PARD3: variants seen among roughly 807,000 people sequenced by gnomAD.
PARD3 encodes partitioning defective 3 homolog.
Under a neutral mutation model 155.4 loss-of-function variants are expected in PARD3, and 75 were observed. The ratio of observed to expected loss-of-function variants is 0.48; its 90% CI spans 0.40 to 0.58. The LOEUF (loss-of-function observed/expected upper bound fraction) is 0.58, where lower values mean the gene tolerates loss of function less well. Among genes scored for constraint, PARD3 ranks in the 20% least tolerant of loss-of-function variants. The pLI, the probability that PARD3 is intolerant of heterozygous loss-of-function variation, is 0.00. For missense variants in PARD3, 1,642 were observed against 1,721.7 expected (o/e 0.95, Z 0.82); for synonymous variants, 576 against 610.5 (o/e 0.94, Z 0.83).
chr10:34,514,242 A>C (rs1343891825), intron 3 of PARD3, among the ~76,000 whole-genome samples: 2 of 152,212 alleles, frequency 1.3e-5, no homozygotes, highest in African/African-American at 2.4e-5. Flanking sequence ...TCCTTCTTTA[A>C]GGCAAAAATT....
rs369191196 is a variant in PARD3 at position 34,408,293 on chromosome 10, C to A, written c.715-6376G>T. ...TGTTTTTAAAAAAAATTATTCATAA[C>A]AGTAAATAAAATATTTTAATGAGTT... On this transcript the variant is annotated intron_variant, in intron 5 of 24. Transcript: ENST00000374788. Among the ~76,000 whole-genome samples, 7 of 151,726 alleles carry A rather than the reference C, an allele frequency of 4.6e-5. No individual in the cohort carries two copies. The East Asian group carries it at 5.8e-4, about 13-fold the overall frequency.
chr10:34,676,515 G>C (rs991764487), intron 2 of PARD3, among the ~76,000 whole-genome samples: 1 of 152,136 alleles, frequency 6.6e-6, no homozygotes, highest in African/African-American at 2.4e-5. Context: ...AAGATGAAAA[G>C]TAATTCCATT....
intron 15 of PARD3, chr10:34,345,297 G>A: frequency 1.0e-6 from 1 of 985,362 alleles, no homozygotes; most frequent in Non-Finnish European, 1.2e-6. Flanking sequence ...TTTCGCCAGG[G>A]ATGTGTTCAC....
Position 34,269,825 on chromosome 10 carries a change from T to G in PARD3, c.3251A>C (p.His1084Pro). 1 of 1,613,984 alleles carries G rather than the reference T, an allele frequency of 6.2e-7. No homozygotes were observed. Among genetic ancestry groups the G allele is most frequent in the Non-Finnish European group, 8.5e-7 (1 of 1,179,942 alleles). Residue 1084 changes from histidine (H) to proline (P), a missense_variant, in exon 22 of 25, where the codon CAT (histidine) becomes CCT (proline). Physicochemically the swap from His to Pro is moderately conservative, Grantham distance 77 (BLOSUM62 -2). Coordinates refer to ENST00000374788, the MANE Select transcript of PARD3 (RefSeq NM_001184785.2). ...CTCATCATCACAGCCAAATGTCCGA[T>G]GAAAATCTTGAATTTCAGCATAGTC... ...ERDYAEIQDFHRTFGCDDELM... is the reference protein window; with the variant it reads ...ERDYAEIQDFPRTFGCDDELM...
At chr10:34,612,095 G>A (rs529767798) in intron 2 of PARD3, among the ~76,000 whole-genome samples, 14 of 152,020 alleles carry the variant, frequency 9.2e-5, no homozygotes, top group Admixed American at 7.2e-4. Context: ...CAAAGTGCTC[G>A]GATTACAGGC....
chr10:34,212,258 G>A (rs958108315), intron 22 of PARD3, among the ~76,000 whole-genome samples: 1 of 152,106 alleles, frequency 6.6e-6, no homozygotes, highest in Non-Finnish European at 1.5e-5. Context: ...TTCTCCAGTA[G>A]AGATTTCTGA....
At chr10:34,360,870 T>C (rs1233535039) in intron 12 of PARD3, among the ~76,000 whole-genome samples, 1 of 152,210 alleles carries the variant, frequency 6.6e-6, no homozygotes, top group African/African-American at 2.4e-5. Flanking sequence ...ATAATATAGC[T>C]GGTAAATATT....
At chr10:34,741,019 A>G (rs912839075) in intron 1 of PARD3, among the ~76,000 whole-genome samples, 3 of 152,126 alleles carry the variant, frequency 2.0e-5, no homozygotes, top group Non-Finnish European at 4.4e-5. Context: ...TTCCCCCTAA[A>G]ACAAATATTA....
At chr10:34,589,945 T>C (rs745437712) in intron 2 of PARD3, among the ~76,000 whole-genome samples, 6 of 152,208 alleles carry the variant, frequency 3.9e-5, no homozygotes, top group Non-Finnish European at 8.8e-5. Context: ...GAGAATGACA[T>C]GGACATCATC....
intron 2 of PARD3, among the ~76,000 whole-genome samples, chr10:34,558,521 T>G (rs1050723975): frequency 1.3e-5 from 2 of 152,222 alleles, no homozygotes; most frequent in African/African-American, 4.8e-5. Flanking sequence ...ATACTAAATC[T>G]GCAAGAGGCT....
intron 12 of PARD3, among the ~76,000 whole-genome samples, chr10:34,371,825 C>T (rs1328538776): frequency 6.6e-6 from 1 of 151,972 alleles, no homozygotes; most frequent in Non-Finnish European, 1.5e-5. Flanking sequence ...TATAAAATGC[C>T]CTTTTTACTC....
intron 1 of PARD3, among the ~76,000 whole-genome samples, chr10:34,704,909 TTTTTG>T (rs1233581875): frequency 1.3e-5 from 2 of 152,244 alleles, no homozygotes; most frequent in Non-Finnish European, 2.9e-5. Flanking sequence ...ACATTTCATT[TTTTTG>T]TTTTGTTTTT....
At chr10:34,372,632 T>C in intron 11 of PARD3, 96 bp from the exon 12 acceptor site, 1 of 890,196 alleles carries the variant, frequency 1.1e-6, no homozygotes, top group East Asian at 2.5e-5. Flanking sequence ...ATTTTGTTGA[T>C]TCTTAAAATC....
chr10:34,200,880 C>A (rs1951178656), intron 22 of PARD3, among the ~76,000 whole-genome samples: 1 of 152,228 alleles, frequency 6.6e-6, no homozygotes, highest in Non-Finnish European at 1.5e-5. Flanking sequence ...GCTGTTCCTG[C>A]ATCAGCTTCT....
At chr10:34,772,625 C>G (rs371372499) in intron 1 of PARD3, among the ~76,000 whole-genome samples, 1 of 151,672 alleles carries the variant, frequency 6.6e-6, no homozygotes, top group African/African-American at 2.4e-5. Flanking sequence ...AACCCTGTCT[C>G]TACTAAAAAT....
chr10:34,781,904 T>C (rs1403894787), intron 1 of PARD3, among the ~76,000 whole-genome samples: 4 of 152,204 alleles, frequency 2.6e-5, no homozygotes. Context: ...GCAGTGGAAA[T>C]GTTCTTGAAC....
In PARD3 at chr10:34,298,249, G is replaced by C. The variant is rs139150505; in HGVS notation, c.3066-14004C>G. The stretch of plus-strand genomic sequence containing the variant: ...TTCTGGAAAAGATCCAGAGAAAGAA[G>C]CTGACTTAGCTAGAGTTGTAACTCT... On this transcript the variant is annotated intron_variant, in intron 20 of 24. Transcript: ENST00000374788. Among the ~76,000 whole-genome samples the C allele has an allele frequency of 5.5e-3, 844 of 152,294 alleles. 9 individuals are homozygous for C. Among genetic ancestry groups the C allele is most frequent in the African/African-American group, 0.019 (801 of 41,558 alleles).
At chr10:34,697,766 AACACTCACAC>A (rs1027019424) in intron 1 of PARD3, among the ~76,000 whole-genome samples, 4 of 146,426 alleles carry the variant, frequency 2.7e-5, no homozygotes, top group Non-Finnish European at 4.5e-5. Context: ...TTGTAAAACA[AACACTCACAC>A]ACACACACAC....
At chr10:34,642,045 C>A (rs2092694032) in intron 2 of PARD3, among the ~76,000 whole-genome samples, 1 of 152,002 alleles carries the variant, frequency 6.6e-6, no homozygotes, top group Admixed American at 6.6e-5. Context: ...CCACCGGGGG[C>A]ACATCACCCC....
Sources: gnomAD v4.1 joint callset for allele counts (sites outside exome capture counted in the v4.1 genomes callset) on GRCh38, gnomAD v4.1.1 for gene constraint, MANE v1.5 for transcripts, NCBI Gene and HGNC (gene_info 2026-07-23, HGNC 2026-07-21) for gene names.